The following PTOV1 variants were observed in gnomAD, a reference collection of about 807,000 sequenced individuals.
The protein encoded by PTOV1 is PTOV1 extended AT-hook containing adaptor protein.
Under a neutral mutation model 58.0 loss-of-function variants are expected in PTOV1, and 20 were observed. That is an observed-to-expected ratio of 0.34 (90% CI 0.24 to 0.50). The LOEUF (loss-of-function observed/expected upper bound fraction) is 0.50. Ranked by LOEUF, PTOV1 falls within the 20% of genes least tolerant of loss-of-function variation. The pLI is 0.98. For missense variants in PTOV1, 593 were observed against 565.4 expected (o/e 1.05, Z -0.50); for synonymous variants, 335 against 234.2 (o/e 1.43, Z -3.93).
At chr19:49,857,632 A>G in intron 6 of PTOV1, 61 bp from the exon 7 acceptor site, 1 of 1,488,828 alleles carries the variant, frequency 6.7e-7, no homozygotes, top group Admixed American at 1.8e-5. Context: ...AGGCCCCAGG[A>G]CAGACAGACA....
rs200072872 is a variant in PTOV1, at chr19:49,858,038, G to A, written c.879-19G>A. On this transcript the variant is annotated intron_variant, in intron 8 of 11. Coordinates refer to ENST00000391842, the Ensembl canonical transcript of PTOV1. Reference sequence around the variant, plus strand: ...GGGGAGCTGGGGCTTCCTGACCCTCGTCCCTTTGTGCCCCACAGGAGGACC... The same window carrying A: ...GGGGAGCTGGGGCTTCCTGACCCTCATCCCTTTGTGCCCCACAGGAGGACC... The A allele has an allele frequency of 9.5e-4, 1,530 of 1,613,960 alleles. 2 individuals carry two copies. The highest frequency in any genetic ancestry group is 1.2e-3 in the Non-Finnish European group (1,386 of 1,179,908).
chr19:49,853,493 TAA>T lies in PTOV1; in HGVS notation c.172-892_172-891del, dbSNP rs34050372. Among the ~76,000 whole-genome samples, 210 of 113,552 alleles carry T rather than the reference TAA, an allele frequency of 1.8e-3. 2 individuals are homozygous for T. The highest frequency in any genetic ancestry group is 2.8e-3 in the African/African-American group (85 of 30,368). 74.5% of individuals were successfully genotyped at this position (113,552 alleles called of 152,430 possible). A position where few individuals can be genotyped will look rare whatever the true frequency, so the allele number is the denominator to read the frequency against. ...CAACATGGTGAAACCCCATCTCTACTAAAAAAAAAAAAAAAAAAAAAATTAGC... is the reference window on the plus strand; with the variant it reads ...CAACATGGTGAAACCCCATCTCTACTAAAAAAAAAAAAAAAAAAAATTAGC... On this transcript the variant is annotated intron_variant, in intron 1 of 11. Transcript: ENST00000391842.
At chr19:49,857,484 G>C (rs2074526526) in intron 6 of PTOV1, 3 of 626,002 alleles carry the variant, frequency 4.8e-6, no homozygotes, top group Non-Finnish European at 8.5e-6. Flanking sequence ...TGTGCACCAG[G>C]TGAGGGCCGG....
chr19:49,857,827 C>A (rs369639358), intron 7 of PTOV1, 45 bp downstream of exon 7: 1 of 1,612,472 alleles, frequency 6.2e-7, no homozygotes, highest in Non-Finnish European at 8.5e-7. Flanking sequence ...CAGATCCTCA[C>A]GGACTGTGGC....
At chr19:49,857,660 G>T (rs760556508) in intron 6 of PTOV1, 33 bp from the exon 7 acceptor site, 1 of 1,596,388 alleles carries the variant, frequency 6.3e-7, no homozygotes, top group South Asian at 1.1e-5. Flanking sequence ...CAGGAGCCTG[G>T]GCCCCTCTTC....
exon 6 of PTOV1, chr19:49,857,121 C>A: frequency 6.2e-7 from 1 of 1,614,042 alleles, no homozygotes; most frequent in Non-Finnish European, 8.5e-7. Flanking sequence ...TCATCACCAC[C>A]CGCAAGCAGG....
At chr19:49,850,872 G>A, upstream of PTOV1, 2 of 1,535,796 alleles carry the variant, frequency 1.3e-6, no homozygotes, top group Non-Finnish European at 8.7e-7. Flanking sequence ...TGCGGGCCCA[G>A]GGCTCCGGAT....
In PTOV1 at chr19:49,854,554, G is replaced by A; in HGVS notation, c.309+11G>A. On this transcript the variant is annotated intron_variant, in intron 2 of 11. Transcript: ENST00000391842. ...CTCGAGTGGCAGGAGGTGAGTCTCT[G>A]TGGGGCTGCGGCTGGCCTCCAGGGT... The A allele has an allele frequency of 6.2e-7, 1 of 1,612,674 alleles. No individual in the cohort carries two copies. The highest frequency in any genetic ancestry group is 2.2e-5 in the East Asian group (1 of 44,874).
At chr19:49,859,038 GTCTTATCTGGGGGAGGCTCAGCTGACTCC>G (rs1325767910) in intron 10 of PTOV1, 3 of 172,796 alleles carry the variant, frequency 1.7e-5, no homozygotes, top group Non-Finnish European at 3.7e-5. Flanking sequence ...TTTGGCGATT[GTCTTATCTGGGGGAGGCTCAGCTGACTCC>G]TCTTCTCTCT....
intron 6 of PTOV1, 38 bp from the exon 7 acceptor site, chr19:49,857,655 G>A (rs375313411): frequency 6.3e-6 from 10 of 1,586,476 alleles, no homozygotes; most frequent in African/African-American, 1.3e-5. Flanking sequence ...TTTCCCAGGA[G>A]CCTGGGCCCC....
chr19:49,857,671 C>G lies in PTOV1; in HGVS notation c.715-22C>G, dbSNP rs558139900. 84 of 1,610,072 alleles carry G rather than the reference C, an allele frequency of 5.2e-5. No individual in the cohort carries two copies. In the Middle Eastern group the frequency reaches 8.3e-4, roughly 16 times the overall value. The stretch of plus-strand genomic sequence containing the variant: ...TTCCCAGGAGCCTGGGCCCCTCTTC[C>G]CACCCCGTTCCCTTCCAACAGGCAG... On this transcript the variant is annotated intron_variant, in intron 6 of 11. Transcript: ENST00000391842.
chr19:49,854,468 C>A, exon 2 of PTOV1: 1 of 1,612,584 alleles, frequency 6.2e-7, no homozygotes, highest in Non-Finnish European at 8.5e-7. Flanking sequence ...GGCTCACCCT[C>A]GGGGGTCTGG....
chr19:49,859,745 G>A (rs1261496107), intron 10 of PTOV1: 1 of 564,018 alleles, frequency 1.8e-6, no homozygotes, highest in Non-Finnish European at 3.2e-6. Flanking sequence ...GCCTGCCCAG[G>A]AGCTCTGAAA....
intron 5 of PTOV1, among the ~76,000 whole-genome samples, chr19:49,855,985 G>A (rs2074445125): frequency 6.6e-6 from 1 of 152,050 alleles, no homozygotes; most frequent in Non-Finnish European, 1.5e-5. Context: ...CAGAGGACCT[G>A]GCTCTGGGAC....
intron 1 of PTOV1, among the ~76,000 whole-genome samples, chr19:49,853,799 T>C (rs546490020): frequency 6.6e-6 from 1 of 152,314 alleles, no homozygotes; most frequent in Admixed American, 6.5e-5. Context: ...GTCTTTCTCC[T>C]GGATGGTTTA....
exon 1 of PTOV1, chr19:49,851,442 T>C (rs1052365753): frequency 2.5e-6 from 3 of 1,218,440 alleles, no homozygotes; most frequent in Non-Finnish European, 3.1e-6. Context: ...GCTCCTGGCC[T>C]GCCAGCCCCC....
At chr19:49,860,522 G>T in exon 12 of PTOV1, 1 of 632,956 alleles carries the variant, frequency 1.6e-6, no homozygotes, top group South Asian at 2.0e-5. Flanking sequence ...TGGTATCCAG[G>T]CCTGGGTGGG....
At chr19:49,858,912 C>T (rs1350948527) in intron 10 of PTOV1, 4 of 412,680 alleles carry the variant, frequency 9.7e-6, no homozygotes, top group Admixed American at 3.6e-5. Flanking sequence ...CCGCGCTCTC[C>T]ACTCCTCAGG....
Position 49,857,162 on chromosome 19 carries a change from CAGAG to C in PTOV1, c.714+33_714+36del, listed in dbSNP as rs1024136413. The C allele has an allele frequency of 3.1e-6, 5 of 1,612,888 alleles. No individual in the cohort carries two copies. In the African/African-American group the frequency reaches 5.3e-5, roughly 17 times the overall value. On this transcript the variant is annotated intron_variant, in intron 6 of 11. Coordinates refer to ENST00000391842, the Ensembl canonical transcript of PTOV1. ...CAGCCAAGCACAGCCCCTCTGGGGA[CAGAG>C]GGGGATTAGACCCCACTGCCCTGGT...
Sources: allele counts gnomAD v4.1 joint callset (sites outside exome capture counted in the v4.1 genomes callset), GRCh38; gene constraint gnomAD v4.1.1; transcripts MANE v1.5; gene names NCBI Gene and HGNC (gene_info 2026-07-23, HGNC 2026-07-21).